SHKBP1: variants seen among roughly 807,000 people sequenced by gnomAD.
SHKBP1 encodes the protein SH3KBP1 binding protein 1.
In SHKBP1, 71 loss-of-function variants were observed where a neutral mutation model predicts 83.9. The observed-to-expected ratio is 0.85, with a 90% CI of 0.70 to 1.03. SHKBP1 has a LOEUF of 1.03. Among genes scored for constraint, SHKBP1 ranks in the 50% least tolerant of loss-of-function variants. The pLI is 0.00. For missense variants in SHKBP1, 824 were observed against 982.4 expected (o/e 0.84, Z 2.16); for synonymous variants, 371 against 398.0 (o/e 0.93, Z 0.81).
chr19:40,590,963 C>T lies in SHKBP1; in HGVS notation c.1893-13C>T, dbSNP rs1035705961. 6.3e-7 allele frequency: 1 copy of T among 1,596,594 alleles called. No homozygotes were observed. The highest frequency in any genetic ancestry group is 1.3e-5 in the African/African-American group (1 of 74,828). On this transcript the variant is annotated splice_polypyrimidine_tract_variant and intron_variant, in intron 17 of 17. Transcript: ENST00000291842. This position sits in a 1 kb window ranked among gnomAD's most constrained non-coding sequence, Gnocchi z 4.6. ...CCCGTGATGACGTGCACTTACTGTCCTTACTTCCTCAGCCTCCACTCAGCC... is the reference window on the plus strand; with the variant it reads ...CCCGTGATGACGTGCACTTACTGTCTTTACTTCCTCAGCCTCCACTCAGCC...
At chr19:40,577,065 C>A in intron 1 of SHKBP1, 80 bp downstream of exon 1, 1 of 1,325,258 alleles carries the variant, frequency 7.5e-7, no homozygotes, top group Non-Finnish European at 1.0e-6. Context: ...TGGGGGAATC[C>A]CTGTCCATCA....
chr19:40,588,644 G>T lies in SHKBP1; in HGVS notation c.1357G>T (p.Val453Leu). 1 of 1,614,154 alleles carries T rather than the reference G, an allele frequency of 6.2e-7. No individual in the cohort carries two copies. ...LISVCADNNHVRTWSVTRFRG... is the reference protein window; with the variant it reads ...LISVCADNNHLRTWSVTRFRG... ...CTCAGTCTGTGCCGACAACAACCAC[G>T]TGCGGACATGGTCTGTGACTCGCTT... The change falls in exon 14 of 18, where the codon GTG (valine) becomes TTG (leucine). Residue 453 changes from valine to leucine, a missense_variant. Physicochemically the swap from Val to Leu is conservative, Grantham distance 32. Transcript: ENST00000291842.
Position 40,589,149 on chromosome 19 carries a change from C to A in SHKBP1, c.1560C>A (p.Leu520=). 1 of 1,613,266 alleles carries A rather than the reference C, an allele frequency of 6.2e-7. No homozygotes were observed. The highest frequency in any genetic ancestry group is 1.1e-5 in the South Asian group (1 of 91,054). ...IQKVVPSASQ[L]FVRLSSTGQR... is the part of the protein sequence containing the mutation. Reference sequence around the variant, plus strand: ...AGGTGGTGCCCAGTGCCAGCCAGCTCTTCGTGCGTCTCTCATCTACTGGGC... The same window carrying A: ...AGGTGGTGCCCAGTGCCAGCCAGCTATTCGTGCGTCTCTCATCTACTGGGC... Residue 520 remains leucine, a synonymous_variant, in exon 15 of 18, where the codon CTC becomes CTA. Coordinates refer to ENST00000291842, the MANE Select transcript of SHKBP1 (RefSeq NM_138392.4).
In SHKBP1 at chr19:40,591,079, C is replaced by T. The variant is rs772133207; in HGVS notation, c.1996C>T (p.Arg666Cys). The part of the protein sequence containing the change: ...RRRGGGSFVE[R>C]CQELVRSGPD... ...CCGTGGTGGGGGCAGCTTTGTGGAA[C>T]GCTGCCAGGAACTGGTGCGGAGTGG... is the stretch of plus-strand genomic sequence containing the variant. The change falls in exon 18 of 18, where the codon CGC (arginine) becomes TGC (cysteine). Residue 666 changes from arginine (R) to cysteine (C), a missense_variant. Physicochemically the swap from Arg to Cys is radical, Grantham distance 180. Around this residue, in one of 3 missense-constraint regions of SHKBP1, gnomAD observed 287 missense variants for 322.9 expected, o/e 0.89. Transcript: ENST00000291842. 12 of 1,612,802 alleles carry T rather than the reference C, an allele frequency of 7.4e-6. No individual in the cohort carries two copies. The highest frequency in any genetic ancestry group is 1.0e-5 in the Non-Finnish European group (12 of 1,179,262).
intron 6 of SHKBP1, 56 bp downstream of exon 6, chr19:40,578,598 C>A: frequency 6.6e-7 from 1 of 1,515,768 alleles, no homozygotes; most frequent in Non-Finnish European, 9.2e-7. Context: ...ACTACATTTC[C>A]CATAAGGCTG....
In SHKBP1 at chr19:40,587,084, C is replaced by T. The variant is rs189309770; in HGVS notation, c.1336+140C>T. 1.8e-3 allele frequency: 1,372 copies of T among 744,152 alleles called. 2 individuals are homozygous for T. Among genetic ancestry groups the T allele is most frequent in the Non-Finnish European group, 2.3e-3 (1,076 of 465,244 alleles). The allele number at this position is 744,152 out of a possible 1,614,324, so 46.1% of individuals were successfully genotyped here. A position where few individuals can be genotyped will look rare whatever the true frequency, so the allele number is the denominator to read the frequency against. On this transcript the variant is annotated intron_variant, in intron 13 of 17. Coordinates refer to ENST00000291842, the MANE Select transcript of SHKBP1 (RefSeq NM_138392.4). The stretch of plus-strand genomic sequence containing the variant: ...CGGAGAGGATTGACCTGGGATGGGA[C>T]TGTAATTGCAGAAGTGAGAGAATAC...
intron 10 of SHKBP1, 96 bp downstream of exon 10, chr19:40,582,562 A>G: frequency 9.8e-7 from 1 of 1,016,070 alleles, no homozygotes; most frequent in Non-Finnish European, 1.4e-6. Context: ...CCCACCCCCT[A>G]AGCCTGGAGG....
rs772967642 is a variant in SHKBP1 at position 40,590,877 on chromosome 19, T to C, written c.1892+24T>C. ...AGGTAGCCACAACTCCACTGCCCCTTCTGTGCAATGAGGGGAGAGGGGACA... is the reference window on the plus strand; with the variant it reads ...AGGTAGCCACAACTCCACTGCCCCTCCTGTGCAATGAGGGGAGAGGGGACA... On this transcript the variant is annotated intron_variant, in intron 17 of 17. Transcript: ENST00000291842. This position sits in a 1 kb window ranked among gnomAD's most constrained non-coding sequence, Gnocchi z 4.6. The C allele has an allele frequency of 6.4e-7, 1 of 1,572,224 alleles. No homozygotes were observed. Among genetic ancestry groups the C allele is most frequent in the East Asian group, 2.3e-5 (1 of 43,958 alleles).
chr19:40,585,835 C>T (rs935091280), intron 12 of SHKBP1: 5 of 152,184 alleles, frequency 3.3e-5, no homozygotes, highest in Non-Finnish European at 7.3e-5. Context: ...CTGCTGCACC[C>T]GGCCTCTTTC....
chr19:40,584,980 C>G (rs1337918607), intron 12 of SHKBP1, among the ~76,000 whole-genome samples: 4 of 152,140 alleles, frequency 2.6e-5, no homozygotes, highest in African/African-American at 9.7e-5. Flanking sequence ...TTAAGATATC[C>G]TTACCTATTC....
chr19:40,577,667 C>A, intron 4 of SHKBP1, 37 bp downstream of exon 4: 1 of 1,606,218 alleles, frequency 6.2e-7, no homozygotes, highest in Non-Finnish European at 8.5e-7. Flanking sequence ...CCCTCACTGT[C>A]TTCAGTCCCT....
rs140053092 is a variant in SHKBP1 at position 40,591,201 on chromosome 19, C to T, written c.2118C>T (p.Ser706=). The T allele has an allele frequency of 1.3e-5, 21 of 1,581,330 alleles. No homozygotes were observed. Among genetic ancestry groups the T allele is most frequent in the Admixed American group, 3.4e-5 (2 of 58,872 alleles). The change falls in exon 18 of 18, where the codon TCC becomes TCT. Residue 706 remains serine, a synonymous_variant. Transcript: ENST00000291842. ...CCAAGATGAAGCTCAATGAAACTTC[C>T]TTTTGAACAACGCAGCTGCCATGAT... ...TPPKMKLNET[S]F
In SHKBP1 at chr19:40,590,181, G is replaced by A; in HGVS notation, c.1590-63G>A. On this transcript the variant is annotated intron_variant, in intron 15 of 17. Transcript: ENST00000291842. This position sits in a 1 kb window ranked among gnomAD's most constrained non-coding sequence, Gnocchi z 4.6. ...AGGCAGGAACTGCAGCCACAGTGGT[G>A]GGGACTGGGACGAGGAAGGGTGAGA... 1.4e-6 allele frequency: 2 copies of A among 1,466,592 alleles called. No homozygotes were observed. Among genetic ancestry groups the A allele is most frequent in the Non-Finnish European group, 1.8e-6 (2 of 1,102,872 alleles). The allele number at this position is 1,466,592 out of a possible 1,614,324, so 90.8% of individuals were successfully genotyped here.
chr19:40,578,088 C>T (rs995556933), intron 4 of SHKBP1, 66 bp from the exon 5 acceptor site: 4 of 1,334,520 alleles, frequency 3.0e-6, no homozygotes, highest in Non-Finnish European at 4.3e-6. Flanking sequence ...TTGAAAATTA[C>T]CCTCTCAGCA....
intron 14 of SHKBP1, 119 bp from the exon 15 acceptor site, chr19:40,588,963 A>T: frequency 7.7e-7 from 1 of 1,298,728 alleles, no homozygotes; most frequent in Non-Finnish European, 1.1e-6. Flanking sequence ...GCCCTGCCCA[A>T]CTCTAACAAC....
Position 40,578,556 on chromosome 19 carries a change from A to G in SHKBP1, c.400+14A>G, listed in dbSNP as rs376569946. 8.1e-5 allele frequency: 130 copies of G among 1,602,182 alleles called. No individual in the cohort carries two copies. Among genetic ancestry groups the G allele is most frequent in the Non-Finnish European group, 1.0e-4 (123 of 1,173,870 alleles). ...TGCCGCCACCAGGTAGGCACTCCCA[A>G]TGGAATGGAGGGGCGCGGAGGTGGG... On this transcript the variant is annotated intron_variant, in intron 6 of 17. Transcript: ENST00000291842.
chr19:40,578,070 G>A (rs761198739), intron 4 of SHKBP1, 84 bp from the exon 5 acceptor site: 3 of 1,097,688 alleles, frequency 2.7e-6, no homozygotes, highest in South Asian at 1.3e-5. Flanking sequence ...GACATTCTCT[G>A]TGCAGTTTTG....
intron 15 of SHKBP1, among the ~76,000 whole-genome samples, chr19:40,589,914 G>A (rs1182915585): frequency 2.6e-5 from 4 of 151,958 alleles, no homozygotes; most frequent in African/African-American, 9.7e-5. Flanking sequence ...CCACTGCATG[G>A]GGGATGAAAG....
Position 40,590,661 on chromosome 19 carries a change from G to A in SHKBP1, c.1769-69G>A. 1 of 1,509,768 alleles carries A rather than the reference G, an allele frequency of 6.6e-7. No individual in the cohort carries two copies. 93.5% of individuals were successfully genotyped at this position (1,509,768 alleles called of 1,614,324 possible). On this transcript the variant is annotated intron_variant, in intron 16 of 17. Transcript: ENST00000291842. The surrounding 1 kb of genome is among the most constrained non-coding windows in gnomAD (Gnocchi z 4.6). ...TGTCCTGACCCTCGGTGCTTGCACT[G>A]CAATGCAACCCAGGCCCTTGCCCTA... is the stretch of plus-strand genomic sequence containing the variant.
Sources: gnomAD v4.1 joint callset for allele counts (sites outside exome capture counted in the v4.1 genomes callset) on GRCh38, gnomAD v4.1.1 for gene constraint, gnomAD v4.1.1 regional missense constraint, Gnocchi (gnomAD v3.1) non-coding constraint, MANE v1.5 for transcripts, NCBI Gene and HGNC (gene_info 2026-07-23, HGNC 2026-07-21) for gene names.